Variants in DST observed in about 807,000 individuals in gnomAD.
DST encodes bullous pemphigoid antigen.
Under a neutral mutation model 875.2 loss-of-function variants are expected in DST, and 253 were observed. The ratio of observed to expected loss-of-function variants is 0.29; its 90% CI spans 0.26 to 0.32. The LOEUF (loss-of-function observed/expected upper bound fraction) is 0.32, where lower values mean the gene tolerates loss of function less well. DST is among the 10% of genes least tolerant of loss of function. DST has a pLI of 1.00. For synonymous variants in DST, 3,124 were observed against 3,197.1 expected (o/e 0.98, Z 0.77); for missense variants, 8,287 against 9,111.6 (o/e 0.91, Z 3.68).
rs199834581 is a variant in DST, at chr6:56,466,199, T to C, written c.22570-4A>G. On this transcript the variant is annotated splice_region_variant and splice_polypyrimidine_tract_variant and intron_variant, in intron 98 of 103. Transcript: ENST00000680361. The stretch of plus-strand genomic sequence containing the variant: ...GCAGTTGCTGGGAGTCTCCAAACTG[T>C]TCAGTGAAGAAAGAAAGAACCTCTA... The C allele has an allele frequency of 1.5e-5, 24 of 1,580,346 alleles. No individual in the cohort carries two copies. The East Asian group carries it at 2.3e-4, about 15-fold the overall frequency.
chr6:56,566,676 T>G (rs139118870), intron 55 of DST, among the ~76,000 whole-genome samples: 213 of 152,282 alleles, frequency 1.4e-3, no homozygotes, highest in African/African-American at 4.6e-3. Flanking sequence ...ACTTTACTGT[T>G]AAAATTATCT....
chr6:56,669,345 T>G (rs1019569395), intron 10 of DST, among the ~76,000 whole-genome samples: 1 of 148,728 alleles, frequency 6.7e-6, no homozygotes, highest in Non-Finnish European at 1.5e-5. Flanking sequence ...CCTGTAATCC[T>G]AGCACTTTGG....
chr6:56,942,956 A>T (rs1240117142), intron 2 of DST, among the ~76,000 whole-genome samples: 6 of 152,080 alleles, frequency 3.9e-5, no homozygotes, highest in African/African-American at 1.4e-4. Context: ...CCTGAGCTCA[A>T]GCAATTCTCC....
intron 43 of DST, among the ~76,000 whole-genome samples, chr6:56,602,622 CATAA>C (rs1247169880): frequency 1.3e-5 from 2 of 151,690 alleles, no homozygotes; most frequent in Admixed American, 6.6e-5. Context: ...GTGACTAACA[CATAA>C]ATAAATATAT....
chr6:56,601,896 T>C (rs2098449363), intron 43 of DST: 1 of 460,502 alleles, frequency 2.2e-6, no homozygotes, highest in East Asian at 4.2e-5. Context: ...AAAAGACAAA[T>C]AATCCCTCTA....
At chr6:56,619,247 T>C in intron 36 of DST, 1 of 1,613,276 alleles carries the variant, frequency 6.2e-7, no homozygotes, top group Non-Finnish European at 8.5e-7. Context: ...ATTCTCTGAT[T>C]CTGCCTGAAT....
rs766657292 is a variant in DST at position 56,536,941 on chromosome 6, C to A, written c.16609-1G>T. Reference sequence around the variant, plus strand: ...GTTCAATCTCTTCTTTCTGGAATACCTGCAGTTAAAAGAGTAATAATTATA... The same window carrying A: ...GTTCAATCTCTTCTTTCTGGAATACATGCAGTTAAAAGAGTAATAATTATA... On this transcript the variant is annotated splice_acceptor_variant, in intron 61 of 103. Transcript: ENST00000680361. LOFTEE classifies it high-confidence loss of function. 50 of 1,613,220 alleles carry A rather than the reference C, an allele frequency of 3.1e-5. No individual in the cohort carries two copies. The East Asian group carries it at 1.1e-3, about 35-fold the overall frequency.
rs761548262 is a variant in DST, at chr6:56,640,647, A to G, written c.2028-42T>C. 4.7e-5 allele frequency: 68 copies of G among 1,446,392 alleles called. No homozygotes were observed. In the South Asian group the frequency reaches 7.4e-4, roughly 16 times the overall value. 89.6% of individuals were successfully genotyped at this position (1,446,392 alleles called of 1,614,324 possible). The stretch of plus-strand genomic sequence containing the variant: ...AAGGGATAAGGTGAAATATAAAGGC[A>G]CTTGTAACAAAGAGTGAACTCTAAT... On this transcript the variant is annotated intron_variant, in intron 17 of 103. Transcript: ENST00000680361.
intron 30 of DST, among the ~76,000 whole-genome samples, chr6:56,630,952 T>C (rs1241993234): frequency 1.3e-5 from 2 of 151,816 alleles, no homozygotes; most frequent in Non-Finnish European, 2.9e-5. Context: ...CTGGCTAACT[T>C]TGGTATTTTT....
At position 56,529,471 on chromosome 6, in the gene DST, A is replaced by G; in HGVS notation, c.17572T>C (p.Trp5858Arg). ...ACCCGAAGTTCAGACTGCTGCTTCC[A>G]TAGCCCCTCAGTGCTGTAATCCTGG... ...SVQDYSTEGL[W>R]KQQSELRVLQ... The change falls in exon 66 of 104, where the codon TGG becomes CGG. Residue 5858 changes from tryptophan (W) to arginine (R), a missense_variant. Physicochemically the swap from Trp to Arg is moderately radical, Grantham distance 101. Around this residue, in one of 10 missense-constraint regions of DST, gnomAD observed 777 missense variants for 764.8 expected, o/e 1.02. Coordinates refer to ENST00000680361, the MANE Select transcript of DST (RefSeq NM_001374736.1). 1 of 1,521,464 alleles carries G rather than the reference A, an allele frequency of 6.6e-7. No homozygotes were observed. The highest frequency in any genetic ancestry group is 8.8e-7 in the Non-Finnish European group (1 of 1,133,870). 94.2% of individuals were successfully genotyped at this position (1,521,464 alleles called of 1,614,324 possible). A position where few individuals can be genotyped will look rare whatever the true frequency, so the allele number is the denominator to read the frequency against.
chr6:56,737,534 A>G (rs889576902), intron 4 of DST, among the ~76,000 whole-genome samples: 1 of 152,250 alleles, frequency 6.6e-6, no homozygotes, highest in East Asian at 1.9e-4. Flanking sequence ...AGTGCTTGAC[A>G]GTCACATGTA....
intron 2 of DST, among the ~76,000 whole-genome samples, chr6:56,918,895 G>A (rs559021675): frequency 6.6e-6 from 1 of 152,068 alleles, no homozygotes; most frequent in South Asian, 2.1e-4. Context: ...TTGAATTTGC[G>A]TTATTTATTA....
chr6:56,493,279 A>C (rs1354818012), intron 83 of DST, among the ~76,000 whole-genome samples, 190 bp from the exon 84 acceptor site: 1 of 152,196 alleles, frequency 6.6e-6, no homozygotes, highest in East Asian at 1.9e-4. Flanking sequence ...AAACCCTTTA[A>C]GCCTAGTAAG....
At chr6:56,890,127 G>A (rs757300610) in intron 3 of DST, among the ~76,000 whole-genome samples, 1 of 147,400 alleles carries the variant, frequency 6.8e-6, no homozygotes, top group Non-Finnish European at 1.5e-5. Flanking sequence ...CTCAAGCCAA[G>A]AGTGCCTAGG....
In DST at chr6:56,532,605, T is replaced by C. The variant is rs1377356469; in HGVS notation, c.16942-95A>G. The C allele has an allele frequency of 6.0e-6, 7 of 1,171,864 alleles. No individual in the cohort carries two copies. In the African/African-American group the frequency reaches 9.4e-5, roughly 16 times the overall value. The allele number at this position is 1,171,864 out of a possible 1,614,324, so 72.6% of individuals were successfully genotyped here. On this transcript the variant is annotated intron_variant, in intron 63 of 103. Transcript: ENST00000680361. ...AAGTACATTTGAAGTATGACAAAAA[T>C]GTATTTTGTATGTATGCACATATGA...
intron 2 of DST, among the ~76,000 whole-genome samples, chr6:56,901,629 ATG>A (rs57308811): frequency 1.3e-5 from 2 of 151,288 alleles, no homozygotes; most frequent in African/African-American, 2.4e-5. Flanking sequence ...AAATATATAT[ATG>A]TGTGTGTGTG....
At position 56,603,285 on chromosome 6, in the gene DST, A is replaced by T; in HGVS notation, c.11077T>A (p.Leu3693Met). Residue 3693 changes from leucine (L) to methionine (M), a missense_variant, in exon 42 of 104, where the codon TTG (leucine) becomes ATG (methionine). Leu to Met is a conservative substitution (Grantham distance 15). Transcript: ENST00000680361. ...CTGAGGGAAGAGAAGGCGGTCTTCA[A>T]ACTCTGGTGGCTAATACTCAATTCT... ...VEELSISHQS[L>M]KTAFSSLSNV... 6.2e-7 allele frequency: 1 copy of T among 1,610,576 alleles called. No individual in the cohort carries two copies. The highest frequency in any genetic ancestry group is 8.5e-7 in the Non-Finnish European group (1 of 1,178,782).
At chr6:56,796,432 A>G (rs2099739887) in intron 4 of DST, among the ~76,000 whole-genome samples, 1 of 152,240 alleles carries the variant, frequency 6.6e-6, no homozygotes. Flanking sequence ...TGACCTGTCT[A>G]GTGGTAGAAA....
chr6:56,751,670 A>G (rs1247707067), intron 4 of DST, among the ~76,000 whole-genome samples: 1 of 152,208 alleles, frequency 6.6e-6, no homozygotes, highest in African/African-American at 2.4e-5. Context: ...ATAGAGAACC[A>G]CCATGTGGCC....
Sources: allele counts gnomAD v4.1 joint callset (sites outside exome capture counted in the v4.1 genomes callset), GRCh38; gene constraint gnomAD v4.1.1; regional missense constraint gnomAD v4.1.1; transcripts MANE v1.5; gene names NCBI Gene and HGNC (gene_info 2026-07-23, HGNC 2026-07-21).